THSD7B: variants seen among roughly 807,000 people sequenced by gnomAD.
THSD7B encodes thrombospondin type 1 domain containing 7B, also known as thrombospondin type-1 domain-containing protein 7B.
A neutral mutation model predicts 213.6 loss-of-function variants in THSD7B; 138 were observed. The observed-to-expected ratio is 0.65, with a 90% CI of 0.56 to 0.74. The LOEUF (loss-of-function observed/expected upper bound fraction) is 0.74, where lower values mean the gene tolerates loss of function less well. Among genes scored for constraint, THSD7B ranks in the 30% least tolerant of loss-of-function variants. The pLI is 0.00. For synonymous variants in THSD7B, 742 were observed against 687.0 expected, an observed-to-expected ratio of 1.08 and a Z score of -1.25; for missense variants, 1,931 against 1,991.5, an observed-to-expected ratio of 0.97 and a Z score of 0.58.
intron 5 of THSD7B, among the ~76,000 whole-genome samples, chr2:137,132,318 G>A (rs1897417): frequency 0.66 from 99,934 of 150,424 alleles, 35,122 homozygotes; most frequent in Non-Finnish European, 0.77. Context: ...CAATCATGTC[G>A]TCTGCAAACA....
At chr2:137,214,004 A>G (rs1413372217) in intron 7 of THSD7B, among the ~76,000 whole-genome samples, 3 of 152,150 alleles carry the variant, frequency 2.0e-5, no homozygotes, top group East Asian at 1.9e-4. Flanking sequence ...AAAATTCAGC[A>G]TCTCATTTAA....
At position 137,057,093 on chromosome 2, in the gene THSD7B, T is replaced by C; in HGVS notation, c.813T>C (p.Ser271=). ...PSGRTVLDFN[S]DSNERVTFKH... Reference sequence around the variant, plus strand: ...GAAGAACTGTTCTGGATTTTAACTCTGATTCAAATGAGCGAGTCACCTTTA... The same window carrying C: ...GAAGAACTGTTCTGGATTTTAACTCCGATTCAAATGAGCGAGTCACCTTTA... Residue 271 remains serine, a synonymous_variant, in exon 3 of 28, where the codon TCT becomes TCC. Transcript: ENST00000409968. The C allele has an allele frequency of 1.2e-6, 2 of 1,614,004 alleles. No individual in the cohort carries two copies. Among genetic ancestry groups the C allele is most frequent in the Non-Finnish European group, 1.7e-6 (2 of 1,179,888 alleles).
intron 17 of THSD7B, among the ~76,000 whole-genome samples, chr2:137,607,038 A>C (rs1682194906): frequency 6.6e-6 from 1 of 152,174 alleles, no homozygotes; most frequent in South Asian, 2.1e-4. Context: ...AATTGGAAGG[A>C]GAAGTGCTAG....
rs1434280275 is a variant in THSD7B at position 137,056,902 on chromosome 2, GC to G, written c.623del (p.Ala208ValfsTer13). Reference protein sequence around the residue: ...KLQHRTRAVIAPPLFGGLQCP... With the variant: ...KLQHRTRAVIXPPLFGGLQCP... The stretch of plus-strand genomic sequence containing the variant: ...GCAGCATAGAACTCGCGCGGTCATA[GC>G]TCCCCCTCTCTTTGGTGGTTTGCAA... On this transcript the variant is annotated frameshift_variant, in exon 3 of 28. Coordinates refer to ENST00000409968, the MANE Select transcript of THSD7B (RefSeq NM_001316349.2). LOFTEE classifies it high-confidence loss of function. 6.2e-7 allele frequency: 1 copy of G among 1,613,776 alleles called. No individual in the cohort carries two copies. The highest frequency in any genetic ancestry group is 8.5e-7 in the Non-Finnish European group (1 of 1,179,866).
chr2:137,622,453 GA>G (rs770553246), intron 20 of THSD7B, among the ~76,000 whole-genome samples: 18 of 152,116 alleles, frequency 1.2e-4, no homozygotes, highest in Non-Finnish European at 2.5e-4. Flanking sequence ...AAAGCTAGCA[GA>G]AGGCAAAAAA....
chr2:136,980,864 G>A (rs1219883044), intron 2 of THSD7B, among the ~76,000 whole-genome samples: 1 of 152,198 alleles, frequency 6.6e-6, no homozygotes, highest in Non-Finnish European at 1.5e-5. Context: ...GGCTGGGGAT[G>A]GGAGATCCCC....
At position 137,498,437 on chromosome 2, in the gene THSD7B, G is replaced by A. The variant is rs577821445; in HGVS notation, c.3138+47414G>A. ...GAAACTTGGCTGTGCGTCTTACTTC[G>A]TAATTCCCTATCCTTAAATGAAAGC... On this transcript the variant is annotated intron_variant, in intron 15 of 27. Transcript: ENST00000409968. Among the ~76,000 whole-genome samples the A allele has an allele frequency of 1.5e-4, 23 of 151,446 alleles. No homozygotes were observed. The South Asian group carries it at 3.8e-3, about 25-fold the overall frequency.
At chr2:136,952,434 CTTTTT>C (rs35848268) in intron 2 of THSD7B, among the ~76,000 whole-genome samples, 4 of 125,610 alleles carry the variant, frequency 3.2e-5, no homozygotes, top group Non-Finnish European at 6.5e-5. Context: ...GGGCAGAAAA[CTTTTT>C]TTTTTTTTTT....
At chr2:136,919,361 C>T (rs1193135704) in intron 2 of THSD7B, among the ~76,000 whole-genome samples, 1 of 152,194 alleles carries the variant, frequency 6.6e-6, no homozygotes, top group Non-Finnish European at 1.5e-5. Flanking sequence ...TGTTTCCTTC[C>T]CTTTCTTGTC....
chr2:137,451,110 C>T, intron 15 of THSD7B, 87 bp downstream of exon 15: 9 of 1,341,130 alleles, frequency 6.7e-6, no homozygotes, highest in Non-Finnish European at 8.8e-6. Flanking sequence ...TCTCTTATTA[C>T]AAGGAGCTCA....
chr2:137,245,131 T>C (rs1018003657), intron 10 of THSD7B, among the ~76,000 whole-genome samples: 4 of 152,178 alleles, frequency 2.6e-5, no homozygotes, highest in African/African-American at 9.6e-5. Flanking sequence ...ACGCTAGATA[T>C]GTGGCCCTTC....
At chr2:137,208,843 T>C (rs958101952) in intron 7 of THSD7B, among the ~76,000 whole-genome samples, 1 of 151,984 alleles carries the variant, frequency 6.6e-6, no homozygotes, top group Non-Finnish European at 1.5e-5. Flanking sequence ...GAAAAACATC[T>C]CAAAAGGCTA....
chr2:137,636,319 G>T (rs937264753), intron 20 of THSD7B, among the ~76,000 whole-genome samples: 4 of 152,158 alleles, frequency 2.6e-5, no homozygotes, highest in Non-Finnish European at 5.9e-5. Context: ...TCACACCAAA[G>T]ATTAAAGGGA....
chr2:137,339,133 T>A (rs1573969854), intron 12 of THSD7B, among the ~76,000 whole-genome samples: 1 of 151,034 alleles, frequency 6.6e-6, no homozygotes, highest in East Asian at 1.9e-4. Flanking sequence ...TGAAGATAAA[T>A]CAAAGACTGA....
rs141626374 is a variant in THSD7B, at chr2:137,329,957, T to A, written c.2500+53931T>A. On this transcript the variant is annotated intron_variant, in intron 12 of 27. Transcript: ENST00000409968. ...GTCTGGGCCCTCCTGCTGTATGCAG[T>A]CTTGGGACTTGATGCCGTGCATCTC... Among the ~76,000 whole-genome samples, 1,108 of 152,248 alleles carry A rather than the reference T, an allele frequency of 7.3e-3. 8 individuals carry two copies. Among genetic ancestry groups the A allele is most frequent in the Non-Finnish European group, 0.011 (747 of 68,010 alleles).
At chr2:137,585,466 G>T (rs1014148878) in intron 17 of THSD7B, among the ~76,000 whole-genome samples, 2 of 152,062 alleles carry the variant, frequency 1.3e-5, no homozygotes, top group East Asian at 3.9e-4. Flanking sequence ...GCTTTCTCTT[G>T]TGGGCATTTA....
At chr2:136,810,612 T>C (rs1682358893) in intron 1 of THSD7B, among the ~76,000 whole-genome samples, 1 of 152,346 alleles carries the variant, frequency 6.6e-6, no homozygotes, top group South Asian at 2.1e-4. Context: ...GATGGGTTTC[T>C]TTACCGAAGG....
chr2:136,814,909 ATAAAT>A (rs1477326180), intron 1 of THSD7B, among the ~76,000 whole-genome samples: 5 of 152,188 alleles, frequency 3.3e-5, no homozygotes, highest in East Asian at 1.9e-4. Context: ...ATAGTTGGAA[ATAAAT>A]TAAAAGAATA....
Position 137,655,549 on chromosome 2 carries a change from G to A in THSD7B, c.3994G>A (p.Val1332Ile). The A allele has an allele frequency of 6.2e-7, 1 of 1,612,596 alleles. No homozygotes were observed. Among genetic ancestry groups the A allele is most frequent in the Non-Finnish European group, 8.5e-7 (1 of 1,179,350 alleles). The stretch of plus-strand genomic sequence containing the variant: ...TCAGATCCGCAGCCTTTCCTGCATG[G>A]TCCACAGTGGTTCAATATCTCATGC... ...GVQIRSLSCM[V>I]HSGSISHAAG... Residue 1332 changes from valine (V) to isoleucine (I), a missense_variant, in exon 22 of 28, where the codon GTC becomes ATC. Transcript: ENST00000409968.
Sources: gnomAD v4.1 joint callset for allele counts (sites outside exome capture counted in the v4.1 genomes callset) on GRCh38, gnomAD v4.1.1 for gene constraint, MANE v1.5 for transcripts, NCBI Gene and HGNC (gene_info 2026-07-23, HGNC 2026-07-21) for gene names.